The following ADGRB3 variants were observed in gnomAD, a reference collection of about 807,000 sequenced individuals.
ADGRB3 encodes the protein brain-specific angiogenesis inhibitor 3.
ADGRB3 carries 37 observed loss-of-function variants against 193.4 expected under a neutral mutation model. That is an observed-to-expected ratio of 0.19 (90% confidence interval 0.15 to 0.25). The LOEUF (loss-of-function observed/expected upper bound fraction) is 0.25, where lower values mean the gene tolerates loss of function less well. Ranked by LOEUF, ADGRB3 falls within the 10% of genes least tolerant of loss-of-function variation. The probability of loss-of-function intolerance (pLI) is 1.00; values close to 1 mark genes in which losing one functional copy is unlikely to be tolerated. For synonymous variants in ADGRB3, 690 were observed against 644.2 expected, an observed-to-expected ratio of 1.07 and a Z score of -1.08; for missense variants, 1,637 against 1,852.9, an observed-to-expected ratio of 0.88 and a Z score of 2.14.
intron 11 of ADGRB3, among the ~76,000 whole-genome samples, chr6:69,011,489 G>A (rs1442164395): frequency 6.6e-6 from 1 of 151,736 alleles, no homozygotes; most frequent in Admixed American, 6.6e-5. Context: ...GGGGAGGGAG[G>A]GAAGGAGAGG....
intron 3 of ADGRB3, among the ~76,000 whole-genome samples, chr6:68,734,794 TG>T (rs1765840758): frequency 6.6e-6 from 1 of 152,026 alleles, no homozygotes; most frequent in South Asian, 2.1e-4. Context: ...GATAAACTCT[TG>T]AAAGAGTTTA....
chr6:68,872,487 G>T (rs372600386), intron 3 of ADGRB3, among the ~76,000 whole-genome samples: 4 of 152,056 alleles, frequency 2.6e-5, no homozygotes, highest in East Asian at 3.9e-4. Flanking sequence ...TGAACAATTT[G>T]TTGAAGAGCT....
chr6:69,333,744 A>G (rs551765213), intron 24 of ADGRB3, among the ~76,000 whole-genome samples: 4 of 150,922 alleles, frequency 2.7e-5, no homozygotes, highest in African/African-American at 9.7e-5. Context: ...GATCGAGACC[A>G]CAGTGAAACC....
At chr6:68,704,463 C>G (rs1420246529) in intron 3 of ADGRB3, among the ~76,000 whole-genome samples, 4 of 152,110 alleles carry the variant, frequency 2.6e-5, no homozygotes, top group African/African-American at 9.7e-5. Flanking sequence ...GAAAATATTT[C>G]TATCAATAAC....
chr6:69,362,913 G>C (rs968832633), intron 29 of ADGRB3, among the ~76,000 whole-genome samples: 1 of 151,974 alleles, frequency 6.6e-6, no homozygotes, highest in Non-Finnish European at 1.5e-5. Flanking sequence ...TTTTCAGTAA[G>C]TGTGCATATA....
intron 15 of ADGRB3, among the ~76,000 whole-genome samples, chr6:69,053,240 G>A (rs1383350316): frequency 2.0e-5 from 3 of 152,072 alleles, no homozygotes; most frequent in Non-Finnish European, 4.4e-5. Flanking sequence ...TTAGGGTTTA[G>A]TGTGAGCTAG....
rs74536436 is a variant in ADGRB3, at chr6:69,260,406, G to A, written c.2814+21180G>A. Among the ~76,000 whole-genome samples the A allele has an allele frequency of 1.9e-3, 291 of 152,194 alleles. 4 individuals are homozygous for A. The highest frequency in any genetic ancestry group is 5.0e-3 in the Admixed American group (76 of 15,288). ...TTTCTTCAAGCAGTGTGAGGGAAGTGGTGTCCCTCATTGGAAGCAGAAATA... is the reference window on the plus strand; with the variant it reads ...TTTCTTCAAGCAGTGTGAGGGAAGTAGTGTCCCTCATTGGAAGCAGAAATA... On this transcript the variant is annotated intron_variant, in intron 20 of 31. Coordinates refer to ENST00000370598, the MANE Select transcript of ADGRB3 (RefSeq NM_001704.3).
At chr6:68,951,302 A>G (rs757451193) in intron 6 of ADGRB3, among the ~76,000 whole-genome samples, 116 of 152,300 alleles carry the variant, frequency 7.6e-4, no homozygotes, top group Non-Finnish European at 1.4e-3. Context: ...GGAGGTGGAA[A>G]TTAAGAGTTG....
chr6:68,938,661 A>T (rs991286183), intron 5 of ADGRB3, among the ~76,000 whole-genome samples: 1 of 152,096 alleles, frequency 6.6e-6, no homozygotes, highest in African/African-American at 2.4e-5. Context: ...CTGTGATTAC[A>T]TATCATTTGA....
chr6:68,657,377 T>A (rs1475286991), intron 3 of ADGRB3, among the ~76,000 whole-genome samples: 1 of 151,468 alleles, frequency 6.6e-6, no homozygotes, highest in Non-Finnish European at 1.5e-5. Context: ...AATGTATTAG[T>A]CTTTAAAGAA....
At chr6:69,102,749 A>C (rs1181511629) in intron 17 of ADGRB3, among the ~76,000 whole-genome samples, 1 of 152,232 alleles carries the variant, frequency 6.6e-6, no homozygotes, top group Non-Finnish European at 1.5e-5. Context: ...TTTATGGAAC[A>C]AATTGGACTT....
At chr6:69,240,050 T>C (rs1383635955) in intron 20 of ADGRB3, among the ~76,000 whole-genome samples, 2 of 152,072 alleles carry the variant, frequency 1.3e-5, no homozygotes, top group East Asian at 1.9e-4. Context: ...AATTTTCCCA[T>C]AAGCCATCAT....
chr6:69,159,539 G>A (rs1252895283), intron 17 of ADGRB3, among the ~76,000 whole-genome samples: 3 of 152,022 alleles, frequency 2.0e-5, no homozygotes, highest in Non-Finnish European at 4.4e-5. Context: ...AGAGAAATAA[G>A]CAAGCAGACA....
At chr6:69,050,659 A>C (rs1039604268) in intron 15 of ADGRB3, among the ~76,000 whole-genome samples, 3 of 152,314 alleles carry the variant, frequency 2.0e-5, no homozygotes, top group African/African-American at 7.2e-5. Context: ...CACTTATTTC[A>C]ACAGGGAATT....
At chr6:69,244,848 A>G (rs1435561048) in intron 20 of ADGRB3, among the ~76,000 whole-genome samples, 1 of 152,048 alleles carries the variant, frequency 6.6e-6, no homozygotes, top group Non-Finnish European at 1.5e-5. Flanking sequence ...CTTAACCCAG[A>G]GAGTGGTATG....
At chr6:69,049,955 C>T (rs1771344461) in intron 15 of ADGRB3, among the ~76,000 whole-genome samples, 1 of 152,144 alleles carries the variant, frequency 6.6e-6, no homozygotes, top group Non-Finnish European at 1.5e-5. Flanking sequence ...GTCTTATCTA[C>T]TATACCAAAT....
chr6:69,342,692 T>C (rs1026301578), intron 26 of ADGRB3, among the ~76,000 whole-genome samples: 2 of 152,076 alleles, frequency 1.3e-5, no homozygotes, highest in African/African-American at 4.8e-5. Flanking sequence ...CATAAAGACA[T>C]ACCAAAGAAA....
intron 8 of ADGRB3, among the ~76,000 whole-genome samples, chr6:68,971,501 C>A (rs1768567226): frequency 6.6e-6 from 1 of 152,074 alleles, no homozygotes; most frequent in Non-Finnish European, 1.5e-5. Context: ...ATAAGTGGAC[C>A]CATGCAGCTC....
chr6:69,162,607 G>A (rs1324998683), intron 17 of ADGRB3, among the ~76,000 whole-genome samples: 1 of 152,020 alleles, frequency 6.6e-6, no homozygotes, highest in Non-Finnish European at 1.5e-5. Flanking sequence ...AGACCACCTA[G>A]CAAGTTAATA....
Sources: gnomAD v4.1 joint callset for allele counts (sites outside exome capture counted in the v4.1 genomes callset) on GRCh38, gnomAD v4.1.1 for gene constraint, MANE v1.5 for transcripts, NCBI Gene and HGNC (gene_info 2026-07-23, HGNC 2026-07-21) for gene names.